The following SULT1A1 variants were observed in gnomAD, a reference collection of about 807,000 sequenced individuals.
SULT1A1 encodes the protein sulfotransferase 1A1.
In SULT1A1, 35 loss-of-function variants were observed where a neutral mutation model predicts 36.8. That is an observed-to-expected ratio of 0.95 (90% CI 0.73 to 1.26). SULT1A1 has a LOEUF of 1.26. Among genes scored for constraint, SULT1A1 ranks in the 50% most tolerant of loss-of-function variants. SULT1A1 has a pLI of 0.00. For missense variants in SULT1A1, 309 were observed against 383.0 expected (o/e 0.81, Z 1.61); for synonymous variants, 119 against 146.0 (o/e 0.82, Z 1.33).
chr16:28,605,804 G>A lies in SULT1A1; in HGVS notation c.*17C>T. ...TTGATTCGCACACTCCCTCTGCAGT[G>A]ACTCCAGGAGCCCCTCTCACAGCTC... is the stretch of plus-strand genomic sequence containing the variant. On this transcript the variant is annotated 3_prime_UTR_variant, in exon 8 of 8. Transcript: ENST00000314752. 6.2e-7 allele frequency: 1 copy of A among 1,609,712 alleles called. No homozygotes were observed. The highest frequency in any genetic ancestry group is 8.5e-7 in the Non-Finnish European group (1 of 1,178,082).
rs546277570 is a variant in SULT1A1, at chr16:28,618,339, C to CTTTTTTT, written c.138+1717_138+1723dup. On this transcript the variant is annotated intron_variant, in intron 2 of 5. Coordinates refer to the SULT1A1 transcript ENST00000350842. Reference sequence around the variant, plus strand: ...AAGTGTGAGCCGGCTACTTCCCGCTCTTTTTTTTTTTTTTTTTTTTTTTTG... The same window carrying CTTTTTTT: ...AAGTGTGAGCCGGCTACTTCCCGCTCTTTTTTTTTTTTTTTTTTTTTTTTTTTTTTTG... Among the ~76,000 whole-genome samples, 251 of 72,418 alleles carry CTTTTTTT rather than the reference C, an allele frequency of 3.5e-3. 14 individuals are homozygous for CTTTTTTT. Among genetic ancestry groups the CTTTTTTT allele is most frequent in the South Asian group, 6.2e-3 (9 of 1,450 alleles). 47.5% of individuals were successfully genotyped at this position (72,418 alleles called of 152,430 possible).
intron 2 of SULT1A1, among the ~76,000 whole-genome samples, chr16:28,616,188 C>T (rs569880019): frequency 1.4e-4 from 22 of 152,244 alleles, no homozygotes; most frequent in African/African-American, 5.1e-4. Context: ...CCTGGTTTTT[C>T]CTAGGCTATG....
rs35640944 is a variant in SULT1A1, at chr16:28,620,505, A to G, written c.68-372T>C. On this transcript the variant is annotated intron_variant, in intron 1 of 5. Transcript: ENST00000350842. ...CTTGAGCCTGGGAGGTGGAGGCTAC[A>G]GTGAGCTGTGATCATGCCACTGCAC... 2.0e-3 allele frequency among the ~76,000 whole-genome samples: 294 copies of G among 150,548 alleles called. 4 individuals carry two copies. The highest frequency in any genetic ancestry group is 6.7e-3 in the African/African-American group (276 of 40,962).
At chr16:28,618,042 CTTTT>C (rs11357624) in intron 2 of SULT1A1, among the ~76,000 whole-genome samples, 1 of 139,480 alleles carries the variant, frequency 7.2e-6, no homozygotes. Flanking sequence ...ACTTCCTGCT[CTTTT>C]TTTTTTTTTT....
chr16:28,620,351 GT>G (rs1194217295), intron 1 of SULT1A1, among the ~76,000 whole-genome samples: 4 of 152,126 alleles, frequency 2.6e-5, no homozygotes, highest in African/African-American at 9.6e-5. Context: ...GATTGCTTGA[GT>G]CCAGGAGTTA....
rs111255713 is a variant in SULT1A1, at chr16:28,619,990, A to G, written c.138+73T>C. ...TGTATATGTATATATATTGTATTGT[A>G]TATTGTGTGTGTGTGTGTGTGTATA... On this transcript the variant is annotated intron_variant, in intron 2 of 5. Transcript: ENST00000350842. 79 of 573,786 alleles carry G rather than the reference A, an allele frequency of 1.4e-4. No homozygotes were observed. In the Middle Eastern group the frequency reaches 5.9e-3, roughly 43 times the overall value. 35.5% of individuals were successfully genotyped at this position (573,786 alleles called of 1,614,324 possible).
At chr16:28,607,676 A>G (rs964657612) in intron 4 of SULT1A1, 2 of 47,956 alleles carry the variant, frequency 4.2e-5, no homozygotes, top group African/African-American at 1.0e-4. Flanking sequence ...AAAAAAAAAA[A>G]GGACCGTGGT....
intron 1 of SULT1A1, chr16:28,609,318 A>G (rs2047357566): frequency 7.8e-7 from 1 of 1,283,912 alleles, no homozygotes; most frequent in Admixed American, 2.4e-5. Flanking sequence ...TCAGCCCCTC[A>G]CATGTGGAAA....
At chr16:28,622,741 C>T (rs1005539315) in intron 1 of SULT1A1, among the ~76,000 whole-genome samples, 9 of 152,138 alleles carry the variant, frequency 5.9e-5, no homozygotes, top group African/African-American at 1.9e-4. Flanking sequence ...TGGCCTTGAA[C>T]TGGGATCTCC....
rs35480621 is a variant in SULT1A1, at chr16:28,609,997, G to A, written c.-71C>T. Reference sequence around the variant, plus strand: ...AGTGGCTGATTGTGGGTGTTGTGTGGGGAATGCAGGGTTGTTCTCTGAGCT... The same window carrying A: ...AGTGGCTGATTGTGGGTGTTGTGTGAGGAATGCAGGGTTGTTCTCTGAGCT... On this transcript the variant is annotated 5_prime_UTR_variant, in exon 1 of 8. Transcript: ENST00000314752. The A allele has an allele frequency of 2.5e-3, 3,238 of 1,287,022 alleles. 18 individuals are homozygous for A. In the African/African-American group the frequency reaches 0.044, roughly 18 times the overall value. 79.7% of individuals were successfully genotyped at this position (1,287,022 alleles called of 1,614,324 possible). A position where few individuals can be genotyped will look rare whatever the true frequency, so the allele number is the denominator to read the frequency against.
At chr16:28,606,380 A>ACTGG in intron 6 of SULT1A1, 144 bp from the exon 7 acceptor site, 1 of 1,435,566 alleles carries the variant, frequency 7.0e-7, no homozygotes, top group Non-Finnish European at 9.5e-7. Context: ...CCAGGGCCCC[A>ACTGG]GTCCCGGGGG....
At chr16:28,618,980 T>C (rs895709339) in intron 2 of SULT1A1, among the ~76,000 whole-genome samples, 24 of 152,216 alleles carry the variant, frequency 1.6e-4, no homozygotes, top group East Asian at 1.9e-4. Context: ...TCAGAAATCA[T>C]TGAGAACATG....
chr16:28,615,534 C>G (rs2047520764), intron 2 of SULT1A1, among the ~76,000 whole-genome samples: 1 of 149,538 alleles, frequency 6.7e-6, no homozygotes, highest in African/African-American at 2.5e-5. Flanking sequence ...GGAAGGCCAA[C>G]CCCGAGACAG....
intron 1 of SULT1A1, chr16:28,609,716 A>G (rs2047372645): frequency 8.0e-6 from 4 of 501,688 alleles, no homozygotes; most frequent in Non-Finnish European, 1.3e-5. Flanking sequence ...AGGATCCCAC[A>G]GCACTCCAGC....
chr16:28,619,964 T>A (rs1416451399), intron 2 of SULT1A1: 5 of 1,050,636 alleles, frequency 4.8e-6, no homozygotes, highest in East Asian at 5.4e-5. Context: ...AAGTTACTGA[T>A]TGTATATGTA....
chr16:28,609,838 G>A, intron 1 of SULT1A1, 93 bp downstream of exon 1: 1 of 1,174,822 alleles, frequency 8.5e-7, no homozygotes, highest in Non-Finnish European at 1.1e-6. Flanking sequence ...ATGGGGAAAG[G>A]GCAGGGATGC....
Position 28,605,687 on chromosome 16 carries a change from C to A in SULT1A1, c.*134G>T. On this transcript the variant is annotated 3_prime_UTR_variant, in exon 8 of 8. Transcript: ENST00000314752. ...GAACTCCTGGGCTCAAATGATCCTC[C>A]CACCTCAGCCTCCAAATTGCTGGGA... 1 of 1,466,448 alleles carries A rather than the reference C, an allele frequency of 6.8e-7. No individual in the cohort carries two copies. The allele number at this position is 1,466,448 out of a possible 1,614,324, so 90.8% of individuals were successfully genotyped here.
chr16:28,606,265 G>A lies in SULT1A1; in HGVS notation c.595-29C>T, dbSNP rs1197421485. Reference sequence around the variant, plus strand: ...AGCAGCAGAGGGCCCCTCAGTGGAGGCTCGGATTACTGATTCAGGAAAAGT... The same window carrying A: ...AGCAGCAGAGGGCCCCTCAGTGGAGACTCGGATTACTGATTCAGGAAAAGT... On this transcript the variant is annotated intron_variant, in intron 6 of 7. Coordinates refer to ENST00000314752, the MANE Select transcript of SULT1A1 (RefSeq NM_001055.4). The A allele has an allele frequency of 2.5e-6, 4 of 1,611,180 alleles. No individual in the cohort carries two copies. In the African/African-American group the frequency reaches 5.3e-5, roughly 22 times the overall value.
intron 2 of SULT1A1, 44 bp from the exon 3 acceptor site, chr16:28,608,647 A>G (rs759589879): frequency 2.4e-5 from 39 of 1,610,958 alleles, no homozygotes; most frequent in Middle Eastern, 3.3e-4. Context: ...TGAGGGCACG[A>G]CCTCGCTGGC....
Sources: allele counts gnomAD v4.1 joint callset (sites outside exome capture counted in the v4.1 genomes callset), GRCh38; gene constraint gnomAD v4.1.1; transcripts MANE v1.5; gene names NCBI Gene and HGNC (gene_info 2026-07-23, HGNC 2026-07-21).